LEF1: variants seen among roughly 807,000 people sequenced by gnomAD.
LEF1 encodes lymphoid enhancer-binding factor 1.
LEF1 carries 14 observed loss-of-function variants against 51.2 expected under a neutral mutation model. That is an observed-to-expected ratio of 0.27 (90% CI 0.18 to 0.43). The LOEUF is 0.43. Ranked by LOEUF, LEF1 falls within the 20% of genes least tolerant of loss-of-function variation. The pLI, the probability that LEF1 is intolerant of heterozygous loss-of-function variation, is 1.00. For missense variants in LEF1, 386 were observed against 512.0 expected (o/e 0.75, Z 2.37); for synonymous variants, 185 against 183.2 (o/e 1.01, Z -0.08).
intron 3 of LEF1, chr4:108,104,736 T>G: frequency 4.1e-6 from 4 of 965,948 alleles, no homozygotes; most frequent in Non-Finnish European, 4.9e-6. Context: ...CTCCCCATGA[T>G]GGCAAAAGGG....
intron 4 of LEF1, 97 bp from the exon 5 acceptor site, chr4:108,083,543 G>A: frequency 1.4e-6 from 1 of 701,956 alleles, no homozygotes; most frequent in Non-Finnish European, 2.3e-6. Flanking sequence ...TTAAGGTTCA[G>A]AATGAAACAA....
chr4:108,160,415 TGAA>T (rs1362263144), intron 3 of LEF1, among the ~76,000 whole-genome samples: 1 of 152,196 alleles, frequency 6.6e-6, no homozygotes, highest in African/African-American at 2.4e-5. Context: ...TCACTCTCTG[TGAA>T]GAAGACCAAC....
intron 3 of LEF1, among the ~76,000 whole-genome samples, chr4:108,106,025 C>T (rs1026964486): frequency 6.6e-6 from 1 of 152,142 alleles, no homozygotes; most frequent in South Asian, 2.1e-4. Flanking sequence ...GTTGCCACCC[C>T]GAATCCAGTG....
intron 9 of LEF1, among the ~76,000 whole-genome samples, chr4:108,067,990 G>C (rs185821613): frequency 6.6e-6 from 1 of 152,010 alleles, no homozygotes; most frequent in Non-Finnish European, 1.5e-5. Context: ...GCACCGGGCC[G>C]GGCGTGGTGG....
chr4:108,146,150 A>C (rs553315685), intron 3 of LEF1, among the ~76,000 whole-genome samples: 1 of 152,358 alleles, frequency 6.6e-6, no homozygotes, highest in East Asian at 1.9e-4. Flanking sequence ...TCCATGAGTA[A>C]AAACAACTGT....
intron 3 of LEF1, among the ~76,000 whole-genome samples, chr4:108,150,630 G>A (rs1744312680): frequency 6.6e-6 from 1 of 152,142 alleles, no homozygotes; most frequent in Non-Finnish European, 1.5e-5. Context: ...ACTTCTGAGA[G>A]ATGAACTGAT....
chr4:108,056,099 T>C (rs1466669514), intron 11 of LEF1, among the ~76,000 whole-genome samples: 1 of 152,350 alleles, frequency 6.6e-6, no homozygotes, highest in East Asian at 1.9e-4. Flanking sequence ...CAGCTGATTA[T>C]AGATTGGGGT....
chr4:108,078,565 C>G (rs1470339793), intron 7 of LEF1, 183 bp from the exon 8 acceptor site: 1 of 685,004 alleles, frequency 1.5e-6, no homozygotes, highest in Non-Finnish European at 2.5e-6. Flanking sequence ...CACTGAGAGG[C>G]AAACAACCCA....
rs796248823 is a variant in LEF1 at position 108,125,020 on chromosome 4, T to C, written c.415-35763A>G. The stretch of plus-strand genomic sequence containing the variant: ...CATATAGAGTTTAGCTCATTCTGAC[T>C]TAGAATTCTAACATACCAACATATT... On this transcript the variant is annotated intron_variant, in intron 3 of 11. Coordinates refer to ENST00000265165, the MANE Select transcript of LEF1 (RefSeq NM_016269.5). Among the ~76,000 whole-genome samples the C allele has an allele frequency of 3.3e-5, 5 of 152,332 alleles. 1 individual carries two copies. Among genetic ancestry groups the C allele is most frequent in the African/African-American group, 1.2e-4 (5 of 41,578 alleles).
intron 11 of LEF1, among the ~76,000 whole-genome samples, chr4:108,052,771 G>A (rs1439326338): frequency 6.6e-6 from 1 of 152,202 alleles, no homozygotes; most frequent in African/African-American, 2.4e-5. Context: ...AAAAGTGACA[G>A]TCTTGTTGAC....
chr4:108,060,340 G>A (rs1737588100), intron 11 of LEF1, among the ~76,000 whole-genome samples: 1 of 152,172 alleles, frequency 6.6e-6, no homozygotes, highest in Non-Finnish European at 1.5e-5. Context: ...GGGAGGCAGT[G>A]CAGACCACAC....
At chr4:108,089,487 T>C (rs964913524) in intron 3 of LEF1, among the ~76,000 whole-genome samples, 1 of 152,214 alleles carries the variant, frequency 6.6e-6, no homozygotes, top group African/African-American at 2.4e-5. Flanking sequence ...TTATCAGTTA[T>C]TTCACCAGTG....
At chr4:108,060,207 T>A (rs780091891) in intron 11 of LEF1, among the ~76,000 whole-genome samples, 12 of 152,138 alleles carry the variant, frequency 7.9e-5, no homozygotes, top group African/African-American at 1.2e-4. Context: ...AACATCCCCA[T>A]CATGTATAAG....
At chr4:108,091,908 TAA>T (rs1252452146) in intron 3 of LEF1, among the ~76,000 whole-genome samples, 2 of 152,218 alleles carry the variant, frequency 1.3e-5, no homozygotes, top group Non-Finnish European at 2.9e-5. Flanking sequence ...AGTTTCATTT[TAA>T]AAGTCTCATA....
chr4:108,048,814 C>T (rs1736787574), intron 11 of LEF1, 63 bp from the exon 12 acceptor site: 2 of 1,167,166 alleles, frequency 1.7e-6, no homozygotes. Context: ...AGATTATAAC[C>T]TCTATTCCAT....
chr4:108,079,224 CT>C (rs1553950250), intron 7 of LEF1, among the ~76,000 whole-genome samples: 1 of 43,402 alleles, frequency 2.3e-5, no homozygotes, highest in African/African-American at 4.1e-5. Flanking sequence ...GCTGAAGAGT[CT>C]CGAATGCCTA....
At chr4:108,071,130 T>C (rs982773724) in intron 8 of LEF1, among the ~76,000 whole-genome samples, 1 of 152,234 alleles carries the variant, frequency 6.6e-6, no homozygotes, top group African/African-American at 2.4e-5. Flanking sequence ...TCACAGTTAC[T>C]AGCATATTCT....
At chr4:108,079,160 G>C (rs574101474) in intron 7 of LEF1, among the ~76,000 whole-genome samples, 13 of 152,332 alleles carry the variant, frequency 8.5e-5, no homozygotes, top group Non-Finnish European at 1.5e-4. Context: ...GGTAGGAACA[G>C]GTTCTCCCCA....
At position 108,078,272 on chromosome 4, in the gene LEF1, G is replaced by A. The variant is rs1283614120; in HGVS notation, c.956C>T (p.Ala319Val). ...YMKEMRANVV[A>V]ECTLKESAAI... ...TGCACTTTCTTTTAGAGTACACTCA[G>A]CAACGACATTCGCTCTCATTTCTTT... Residue 319 changes from alanine to valine, a missense_variant, in exon 8 of 12, where the codon GCT becomes GTT. Physicochemically the swap from Ala to Val is moderately conservative, Grantham distance 64 (BLOSUM62 0). Coordinates refer to ENST00000265165, the MANE Select transcript of LEF1 (RefSeq NM_016269.5). 1 of 1,614,182 alleles carries A rather than the reference G, an allele frequency of 6.2e-7. No individual in the cohort carries two copies.
Sources: allele counts gnomAD v4.1 joint callset (sites outside exome capture counted in the v4.1 genomes callset), GRCh38; gene constraint gnomAD v4.1.1; transcripts MANE v1.5; gene names NCBI Gene and HGNC (gene_info 2026-07-23, HGNC 2026-07-21).